The following PRKCH variants were observed in gnomAD, a reference collection of about 807,000 sequenced individuals.
The protein encoded by PRKCH is protein kinase C eta.
In PRKCH, 28 loss-of-function variants were observed where a neutral mutation model predicts 82.5. The observed-to-expected ratio is 0.34, with a 90% CI of 0.25 to 0.47. The LOEUF is 0.47. PRKCH is among the 20% of genes least tolerant of loss of function. The pLI, the probability that PRKCH is intolerant of heterozygous loss-of-function variation, is 1.00. For missense variants in PRKCH, 705 were observed against 881.8 expected (o/e 0.80, Z 2.54); for synonymous variants, 322 against 327.4 (o/e 0.98, Z 0.18).
At chr14:61,311,507 A>T (rs1053030209) in intron 1 of PRKCH, among the ~76,000 whole-genome samples, 1 of 152,124 alleles carries the variant, frequency 6.6e-6, no homozygotes, top group Non-Finnish European at 1.5e-5. Context: ...AAACTATCCC[A>T]TATCTTCCTG....
At chr14:61,538,220 G>A (rs903516631) in intron 12 of PRKCH, among the ~76,000 whole-genome samples, 6 of 152,232 alleles carry the variant, frequency 3.9e-5, no homozygotes, top group Non-Finnish European at 7.3e-5. Context: ...AGATCCTTGA[G>A]TAAGAGGAGT....
chr14:61,270,541 G>T (rs1380683699), intron 1 of PRKCH, among the ~76,000 whole-genome samples: 1 of 152,102 alleles, frequency 6.6e-6, no homozygotes, highest in Non-Finnish European at 1.5e-5. Flanking sequence ...TGTCATTTTT[G>T]TTTTTCAACT....
At chr14:61,209,727 G>A (rs530974685) in intron 1 of PRKCH, among the ~76,000 whole-genome samples, 3 of 152,070 alleles carry the variant, frequency 2.0e-5, no homozygotes, top group Admixed American at 2.0e-4. Flanking sequence ...TTAATGGTGG[G>A]GATTGGGTTT....
At chr14:61,497,800 G>A (rs924173393) in intron 10 of PRKCH, among the ~76,000 whole-genome samples, 31 of 152,074 alleles carry the variant, frequency 2.0e-4, no homozygotes, top group African/African-American at 7.0e-4. Context: ...GAGTGTAATG[G>A]CAGTTATGAT....
chr14:61,199,745 T>C (rs1343723618), intron 1 of PRKCH, among the ~76,000 whole-genome samples: 2 of 152,200 alleles, frequency 1.3e-5, no homozygotes, highest in East Asian at 1.9e-4. Context: ...TAGTTCCCCA[T>C]GGAGCGCTTA....
chr14:61,245,865 A>G (rs1413332672), intron 1 of PRKCH, among the ~76,000 whole-genome samples: 3 of 152,216 alleles, frequency 2.0e-5, no homozygotes, highest in African/African-American at 7.2e-5. Context: ...CCTTGCACTA[A>G]AAAGTTTCCA....
chr14:61,529,355 A>AT, intron 11 of PRKCH, 142 bp downstream of exon 11: 1 of 926,180 alleles, frequency 1.1e-6, no homozygotes, highest in Non-Finnish European at 1.5e-6. Context: ...AGACTCATTT[A>AT]TGGCTCATTG....
intron 1 of PRKCH, among the ~76,000 whole-genome samples, chr14:61,332,456 G>A (rs926881292): frequency 1.3e-5 from 2 of 152,234 alleles, no homozygotes; most frequent in African/African-American, 4.8e-5. Context: ...CTTACCAGCA[G>A]TGCTTTTATT....
chr14:61,446,275 A>G (rs1884220546), intron 4 of PRKCH, among the ~76,000 whole-genome samples: 1 of 152,224 alleles, frequency 6.6e-6, no homozygotes, highest in Non-Finnish European at 1.5e-5. Flanking sequence ...AGATGAAACC[A>G]ATTTACTAGT....
intron 1 of PRKCH, among the ~76,000 whole-genome samples, chr14:61,311,647 A>G (rs1396108666): frequency 6.6e-6 from 1 of 152,232 alleles, no homozygotes; most frequent in South Asian, 2.1e-4. Context: ...GTCTGTTTTC[A>G]CACTGCTACA....
intron 1 of PRKCH, among the ~76,000 whole-genome samples, chr14:61,243,121 G>T (rs1184528074): frequency 6.6e-6 from 1 of 152,072 alleles, no homozygotes; most frequent in Admixed American, 6.6e-5. Flanking sequence ...AATCTGGCTG[G>T]GCACAGTTCA....
At chr14:61,396,381 T>G (rs2046783788) in intron 2 of PRKCH, among the ~76,000 whole-genome samples, 1 of 152,180 alleles carries the variant, frequency 6.6e-6, no homozygotes, top group South Asian at 2.1e-4. Context: ...ACTATTTTGT[T>G]AAATGTAAGA....
Position 61,246,260 on chromosome 14 carries a change from A to AT in PRKCH, c.-19+58592_-19+58593insT, listed in dbSNP as rs1555371173. On this transcript the variant is annotated intron_variant, in intron 1 of 3. Transcript: ENST00000555185. ...ATCTCTACTGGAAAAAAAAAAAAAA[A>AT]AGCCAGGTGTGGTGGCACGTGCCTG... Among the ~76,000 whole-genome samples the AT allele has an allele frequency of 4.7e-3, 710 of 150,472 alleles. 3 individuals carry two copies. The highest frequency in any genetic ancestry group is 0.014 in the African/African-American group (561 of 40,822).
At chr14:61,479,898 G>A (rs1885889065) in intron 9 of PRKCH, among the ~76,000 whole-genome samples, 1 of 152,140 alleles carries the variant, frequency 6.6e-6, no homozygotes, top group South Asian at 2.1e-4. Flanking sequence ...AGGGATTTCT[G>A]AGTTGCTTTC....
At chr14:61,246,271 GGTGGCAC>G (rs1307938124) in intron 1 of PRKCH, among the ~76,000 whole-genome samples, 50 of 151,086 alleles carry the variant, frequency 3.3e-4, no homozygotes, top group Middle Eastern at 3.4e-3. Flanking sequence ...AGCCAGGTGT[GGTGGCAC>G]GTGCCTGTAA....
intron 10 of PRKCH, among the ~76,000 whole-genome samples, chr14:61,520,161 T>C (rs2042885238): frequency 6.6e-6 from 1 of 151,376 alleles, no homozygotes; most frequent in Admixed American, 6.6e-5. Flanking sequence ...AAGTAATACA[T>C]GATTCCTGTA....
rs763833426 is a variant in PRKCH at position 61,339,324 on chromosome 14, C to CT, written c.363+16875dup. 1.2e-3 allele frequency among the ~76,000 whole-genome samples: 167 copies of CT among 143,550 alleles called. 1 individual carries two copies. Among genetic ancestry groups the CT allele is most frequent in the East Asian group, 3.4e-3 (17 of 4,944 alleles). The allele number at this position is 143,550 out of a possible 152,430, so 94.2% of individuals were successfully genotyped here. ...TCCTGACACCTTCATTTAATTGTAA[C>CT]TTTTTTTTTTTTTTTCCGAGACGGA... is the stretch of plus-strand genomic sequence containing the variant. On this transcript the variant is annotated intron_variant, in intron 1 of 13. Coordinates refer to ENST00000332981, the MANE Select transcript of PRKCH (RefSeq NM_006255.5).
chr14:61,253,179 C>T (rs2044962195), intron 1 of PRKCH, among the ~76,000 whole-genome samples: 1 of 152,126 alleles, frequency 6.6e-6, no homozygotes, highest in Non-Finnish European at 1.5e-5. Context: ...TTCTACAGCC[C>T]TTTAATACTT....
At chr14:61,434,788 A>G (rs923510221) in intron 2 of PRKCH, among the ~76,000 whole-genome samples, 1 of 152,158 alleles carries the variant, frequency 6.6e-6, no homozygotes, top group African/African-American at 2.4e-5. Flanking sequence ...TGCGAGACCA[A>G]AGAGAGAGGA....
Sources: gnomAD v4.1 joint callset for allele counts (sites outside exome capture counted in the v4.1 genomes callset) on GRCh38, gnomAD v4.1.1 for gene constraint, MANE v1.5 for transcripts, NCBI Gene and HGNC (gene_info 2026-07-23, HGNC 2026-07-21) for gene names.